CMKLR1: variants seen among roughly 807,000 people sequenced by gnomAD.
CMKLR1 encodes chemerin chemokine-like receptor 1.
CMKLR1 carries 6 observed loss-of-function variants against 8.2 expected under a neutral mutation model. That is an observed-to-expected ratio of 0.73 (90% CI 0.40 to 1.44). The LOEUF is 1.44. Among genes scored for constraint, CMKLR1 ranks in the 40% most tolerant of loss-of-function variants. CMKLR1 has a pLI of 0.02. For missense variants in CMKLR1, 429 were observed against 478.0 expected (o/e 0.90, Z 0.96); for synonymous variants, 178 against 181.2 (o/e 0.98, Z 0.14).
chr12:108,310,126 G>A (rs745727722), intron 2 of CMKLR1, among the ~76,000 whole-genome samples: 3 of 151,544 alleles, frequency 2.0e-5, no homozygotes, highest in Non-Finnish European at 2.9e-5. Flanking sequence ...TGACATACCT[G>A]CAGAGGAACA....
intron 2 of CMKLR1, among the ~76,000 whole-genome samples, chr12:108,322,762 C>T (rs1303160524): frequency 6.6e-6 from 1 of 152,184 alleles, no homozygotes; most frequent in Non-Finnish European, 1.5e-5. Flanking sequence ...GAAGCAGATG[C>T]TGATTCCATG....
At chr12:108,328,397 G>T (rs567728983) in intron 2 of CMKLR1, among the ~76,000 whole-genome samples, 1 of 152,144 alleles carries the variant, frequency 6.6e-6, no homozygotes, top group Non-Finnish European at 1.5e-5. Flanking sequence ...CGGGCCACAC[G>T]TGATCTCGTT....
intron 2 of CMKLR1, among the ~76,000 whole-genome samples, chr12:108,321,220 T>C (rs1891853950): frequency 6.6e-6 from 1 of 152,198 alleles, no homozygotes; most frequent in Non-Finnish European, 1.5e-5. Flanking sequence ...AGTGAGGCAC[T>C]TGCCTTGAGT....
chr12:108,321,024 T>C (rs568576624), intron 2 of CMKLR1, among the ~76,000 whole-genome samples: 9 of 152,288 alleles, frequency 5.9e-5, no homozygotes, highest in African/African-American at 2.2e-4. Flanking sequence ...ACAGCTGCCC[T>C]CTCCTCCTAA....
chr12:108,311,483 A>G (rs1432502710), intron 2 of CMKLR1, among the ~76,000 whole-genome samples: 1 of 152,188 alleles, frequency 6.6e-6, no homozygotes, highest in African/African-American at 2.4e-5. Context: ...AATTTAGCCA[A>G]GTGTGGTGAC....
chr12:108,292,585 G>A lies in CMKLR1; in HGVS notation c.378C>T (p.Ser126=), dbSNP rs771942258. 12 of 1,614,158 alleles carry A rather than the reference G, an allele frequency of 7.4e-6. No individual in the cohort carries two copies. Among genetic ancestry groups the A allele is most frequent in the Admixed American group, 5.0e-5 (3 of 60,024 alleles). Residue 126 remains serine (S), a synonymous_variant, in exon 4 of 4, where the codon AGC becomes AGT. Coordinates refer to ENST00000550402, the MANE Select transcript of CMKLR1 (RefSeq NM_001142343.2). ...NFLLIHNMFT[S]VFLLTIISSD... is the part of the protein sequence containing the mutation. Reference sequence around the variant, plus strand: ...AGCTGATGATGGTCAGCAGGAAGACGCTGGTGAACATGTTGTGGATGAGAA... The same window carrying A: ...AGCTGATGATGGTCAGCAGGAAGACACTGGTGAACATGTTGTGGATGAGAA...
At chr12:108,314,542 C>CT (rs1205266524) in intron 2 of CMKLR1, among the ~76,000 whole-genome samples, 2 of 152,178 alleles carry the variant, frequency 1.3e-5, no homozygotes, top group Non-Finnish European at 2.9e-5. Context: ...GTAAAAGCTG[C>CT]TTTTCCTAGA....
At chr12:108,336,948 C>T (rs565747720) in intron 1 of CMKLR1, among the ~76,000 whole-genome samples, 1 of 152,266 alleles carries the variant, frequency 6.6e-6, no homozygotes, top group Admixed American at 6.5e-5. Context: ...TGATCATATT[C>T]CCATTTTATA....
At position 108,292,663 on chromosome 12, in the gene CMKLR1, G is replaced by A; in HGVS notation, c.300C>T (p.Ala100=). The change falls in exon 4 of 4, where the codon GCC becomes GCT. Residue 100 remains alanine, a synonymous_variant. Transcript: ENST00000550402. ...TCCCGAAAACCCAGTGGTAGTCCAT[G>A]GCGGCATAGGTGATATGGATTGGGA... ...VFLPIHITYA[A]MDYHWVFGTA... The A allele has an allele frequency of 1.2e-6, 2 of 1,614,172 alleles. No individual in the cohort carries two copies. Among genetic ancestry groups the A allele is most frequent in the Non-Finnish European group, 1.7e-6 (2 of 1,180,040 alleles).
chr12:108,299,093 TGA>T (rs1373186620), intron 2 of CMKLR1, among the ~76,000 whole-genome samples: 2 of 152,208 alleles, frequency 1.3e-5, no homozygotes, highest in African/African-American at 2.4e-5. Flanking sequence ...ATAGCTAAAG[TGA>T]CAGGAATTTG....
At chr12:108,322,350 T>C (rs1356014036) in intron 2 of CMKLR1, among the ~76,000 whole-genome samples, 1 of 152,222 alleles carries the variant, frequency 6.6e-6, no homozygotes, top group Non-Finnish European at 1.5e-5. Context: ...GGGGTCCATA[T>C]GTTCCGGCTG....
chr12:108,315,497 ACT>A (rs1891697728), intron 2 of CMKLR1, among the ~76,000 whole-genome samples: 1 of 152,158 alleles, frequency 6.6e-6, no homozygotes, highest in Admixed American at 6.5e-5. Context: ...GCTCCTGTGT[ACT>A]AGCCTTGCCC....
rs373064633 is a variant in CMKLR1 at position 108,292,921 on chromosome 12, G to A, written c.42C>T (p.Tyr14=). 4.4e-5 allele frequency: 71 copies of A among 1,613,000 alleles called. No homozygotes were observed. Among genetic ancestry groups the A allele is most frequent in the East Asian group, 1.3e-4 (6 of 44,868 alleles). The change falls in exon 4 of 4, where the codon TAC becomes TAT. Residue 14 remains tyrosine, a synonymous_variant. Transcript: ENST00000550402. ...CTAAATAATCAGGGTATTCATCACC[G>A]TAACTGATGGAAGTGTTGTAATCTT... The part of the protein sequence containing the change: ...EDEDYNTSIS[Y]GDEYPDYLDS...
chr12:108,309,275 T>G (rs1423167368), intron 2 of CMKLR1, among the ~76,000 whole-genome samples: 1 of 152,244 alleles, frequency 6.6e-6, no homozygotes, highest in Admixed American at 6.5e-5. Context: ...GAGGGTCATC[T>G]TCTCAGAGAA....
At chr12:108,304,339 T>TC (rs933139662) in intron 2 of CMKLR1, among the ~76,000 whole-genome samples, 3 of 152,140 alleles carry the variant, frequency 2.0e-5, no homozygotes, top group African/African-American at 7.2e-5. Context: ...CTCTGGCTGT[T>TC]CCCCTGCCGG....
Position 108,292,906 on chromosome 12 carries a change from A to T in CMKLR1, c.57T>A (p.Pro19=), listed in dbSNP as rs1476379336. ...NTSISYGDEY[P]DYLDSIVVLE... is the part of the protein sequence containing the mutation. ...AAACCACAATGGAGTCTAAATAATCAGGGTATTCATCACCGTAACTGATGG... is the reference window on the plus strand; with the variant it reads ...AAACCACAATGGAGTCTAAATAATCTGGGTATTCATCACCGTAACTGATGG... Residue 19 remains proline (P), a synonymous_variant, in exon 4 of 4, where the codon CCT becomes CCA. Transcript: ENST00000550402. 1.2e-6 allele frequency: 2 copies of T among 1,614,028 alleles called. No homozygotes were observed. Among genetic ancestry groups the T allele is most frequent in the East Asian group, 2.2e-5 (1 of 44,880 alleles).
At position 108,292,869 on chromosome 12, in the gene CMKLR1, A is replaced by T; in HGVS notation, c.94T>A (p.Ser32Thr). 6.2e-7 allele frequency: 1 copy of T among 1,614,062 alleles called. No individual in the cohort carries two copies. The highest frequency in any genetic ancestry group is 8.5e-7 in the Non-Finnish European group (1 of 1,179,992). The change falls in exon 4 of 4, where the codon TCC (serine) becomes ACC (threonine). Residue 32 changes from serine to threonine, a missense_variant. Physicochemically the swap from Ser to Thr is moderately conservative, Grantham distance 58 (BLOSUM62 1). Coordinates refer to ENST00000550402, the MANE Select transcript of CMKLR1 (RefSeq NM_001142343.2). ...LDSIVVLEDL[S>T]PLEARVTRIF... The stretch of plus-strand genomic sequence containing the variant: ...CTGGTCACCCTGGCTTCCAAGGGGG[A>T]TAAGTCCTCCAAAACCACAATGGAG...
Position 108,301,082 on chromosome 12 carries a change from T to TC in CMKLR1, c.-73-7419_-73-7418insG, listed in dbSNP as rs1242991017. 2.0e-5 allele frequency among the ~76,000 whole-genome samples: 3 copies of TC among 147,754 alleles called. No homozygotes were observed. In the East Asian group the frequency reaches 5.9e-4, roughly 29 times the overall value. On this transcript the variant is annotated intron_variant, in intron 2 of 3. Transcript: ENST00000550402. The stretch of plus-strand genomic sequence containing the variant: ...GCATCCACCCAAGTCTTTTTTTTTT[T>TC]TTTTTTTTTTTTGAGACGAAGTCTC...
Position 108,292,847 on chromosome 12 carries a change from G to GT in CMKLR1, c.115dup (p.Thr39AsnfsTer98). 6.2e-7 allele frequency: 1 copy of GT among 1,614,138 alleles called. No homozygotes were observed. Among genetic ancestry groups the GT allele is most frequent in the Non-Finnish European group, 8.5e-7 (1 of 1,180,026 alleles). On this transcript the variant is annotated frameshift_variant, in exon 4 of 4. Transcript: ENST00000550402. LOFTEE classifies it low-confidence loss of function (END_TRUNC). ...GTAGACCACCACCAGGAAGATCCTG[G>GT]TCACCCTGGCTTCCAAGGGGGATAA... is the stretch of plus-strand genomic sequence containing the variant.
Sources: allele counts gnomAD v4.1 joint callset (sites outside exome capture counted in the v4.1 genomes callset), GRCh38; gene constraint gnomAD v4.1.1; transcripts MANE v1.5; gene names NCBI Gene and HGNC (gene_info 2026-07-23, HGNC 2026-07-21).